ZNF813: variants seen among roughly 807,000 people sequenced by gnomAD.
ZNF813 encodes zinc finger protein 813.
ZNF813 carries 3 observed loss-of-function variants against 7.2 expected under a neutral mutation model. The ratio of observed to expected loss-of-function variants is 0.42; its 90% CI spans 0.19 to 1.08. The LOEUF (loss-of-function observed/expected upper bound fraction) is 1.08, where lower values mean the gene tolerates loss of function less well. ZNF813 is among the 50% of genes least tolerant of loss of function. ZNF813 has a pLI of 0.30. For missense variants in ZNF813, 714 were observed against 753.3 expected (o/e 0.95, Z 0.61); for synonymous variants, 227 against 256.3 (o/e 0.89, Z 1.09).
At chr19:53,473,864 TG>T (rs1450606808) in intron 1 of ZNF813, among the ~76,000 whole-genome samples, 9 of 152,256 alleles carry the variant, frequency 5.9e-5, no homozygotes, top group African/African-American at 2.2e-4. Flanking sequence ...GTTTATTTGG[TG>T]GGGGTGCACC....
At position 53,468,788 on chromosome 19, in the gene ZNF813, G is replaced by A. The variant is rs2086341252; in HGVS notation, c.-74+999G>A. ...TCTCAGAATAGAACGAATGGAAATG[G>A]TCAGCTTTACACCTAGACATTCCAT... On this transcript the variant is annotated intron_variant, in intron 1 of 3. Transcript: ENST00000396403. Among the ~76,000 whole-genome samples the A allele has an allele frequency of 3.3e-5, 5 of 151,368 alleles. No individual in the cohort carries two copies. In the South Asian group the frequency reaches 1.1e-3, roughly 32 times the overall value.
intron 1 of ZNF813, 115 bp from the exon 2 acceptor site, chr19:53,483,635 G>A (rs71363345): frequency 0.037 from 38,968 of 1,046,056 alleles, 920 homozygotes; most frequent in African/African-American, 0.081. Context: ...TGGTGTGGTC[G>A]GCAGCATAGG....
chr19:53,494,012 A>G lies in ZNF813; in HGVS notation c.*1926A>G, dbSNP rs4801985. 0.12 allele frequency: 17,722 copies of G among 152,152 alleles called. 1,183 individuals are homozygous for G. Among genetic ancestry groups the G allele is most frequent in the African/African-American group, 0.17 (7,232 of 41,474 alleles). 9.4% of individuals were successfully genotyped at this position (152,152 alleles called of 1,614,324 possible). A position where few individuals can be genotyped will look rare whatever the true frequency, so the allele number is the denominator to read the frequency against. On this transcript the variant is annotated 3_prime_UTR_variant, in exon 4 of 4. Transcript: ENST00000396403. ...TGATGAGTGGATTTTGAATTTTGTG[A>G]AATACTTTTTCTCCATCTATTGAGA...
intron 1 of ZNF813, among the ~76,000 whole-genome samples, chr19:53,478,003 C>T (rs1412040000): frequency 6.6e-6 from 1 of 152,098 alleles, no homozygotes; most frequent in Non-Finnish European, 1.5e-5. Context: ...TTGTATAAAT[C>T]TTGGCATAGA....
In ZNF813 at chr19:53,494,708, T is replaced by G; in HGVS notation, c.*2622T>G. 6.6e-6 allele frequency: 1 copy of G among 150,394 alleles called. No homozygotes were observed. The highest frequency in any genetic ancestry group is 1.5e-5 in the Non-Finnish European group (1 of 67,598). 9.3% of individuals were successfully genotyped at this position (150,394 alleles called of 1,614,324 possible). The stretch of plus-strand genomic sequence containing the variant: ...CAAAGCAATATAAATCCTGCTAAAA[T>G]TGAAACAAAAAGGAGCATCAAATTT... On this transcript the variant is annotated 3_prime_UTR_variant, in exon 4 of 4. Coordinates refer to ENST00000396403, the MANE Select transcript of ZNF813 (RefSeq NM_001004301.4).
chr19:53,493,532 A>C lies in ZNF813; in HGVS notation c.*1446A>C, dbSNP rs2086473609. On this transcript the variant is annotated 3_prime_UTR_variant, in exon 4 of 4. Coordinates refer to ENST00000396403, the MANE Select transcript of ZNF813 (RefSeq NM_001004301.4). Reference sequence around the variant, plus strand: ...TTCTCATCTTTTTGCTTTTATTCCTAAGTATTTCTTACTTTAAGTTCTCTA... The same window carrying C: ...TTCTCATCTTTTTGCTTTTATTCCTCAGTATTTCTTACTTTAAGTTCTCTA... 6.6e-6 allele frequency: 1 copy of C among 150,652 alleles called. No individual in the cohort carries two copies. The highest frequency in any genetic ancestry group is 1.5e-5 in the Non-Finnish European group (1 of 67,642). 9.3% of individuals were successfully genotyped at this position (150,652 alleles called of 1,614,324 possible).
chr19:53,482,706 C>CTTTTTTTTTTTTTTTTTTTTTT (rs1568830690), intron 1 of ZNF813, among the ~76,000 whole-genome samples: 1 of 91,470 alleles, frequency 1.1e-5, no homozygotes, highest in African/African-American at 3.9e-5. Flanking sequence ...ATCAGGAATG[C>CTTTTTTTTTTTTTTTTTTTTTT]TTTTTGTTTT....
At position 53,491,399 on chromosome 19, in the gene ZNF813, C is replaced by G; in HGVS notation, c.1167C>G (p.Gly389=). 2 of 1,613,682 alleles carry G rather than the reference C, an allele frequency of 1.2e-6. No homozygotes were observed. The highest frequency in any genetic ancestry group is 1.7e-6 in the Non-Finnish European group (2 of 1,179,648). Residue 389 remains glycine, a synonymous_variant, in exon 4 of 4, where the codon GGC becomes GGG. Transcript: ENST00000396403. ...GEKPYKCNEC[G]KTFSQELTLK... The stretch of plus-strand genomic sequence containing the variant: ...AACCTTATAAGTGTAATGAATGTGG[C>G]AAGACCTTCAGTCAGGAGTTAACCC...
In ZNF813 at chr19:53,492,804, T is replaced by C. The variant is rs2086470146; in HGVS notation, c.*718T>C. On this transcript the variant is annotated 3_prime_UTR_variant, in exon 4 of 4. Coordinates refer to ENST00000396403, the MANE Select transcript of ZNF813 (RefSeq NM_001004301.4). Reference sequence around the variant, plus strand: ...GAGACAAACCTTATAAATGTCATGATTGAGGCAAGGTCTTCAGTCAAGCTT... The same window carrying C: ...GAGACAAACCTTATAAATGTCATGACTGAGGCAAGGTCTTCAGTCAAGCTT... The C allele has an allele frequency of 4.0e-6, 2 of 504,836 alleles. No homozygotes were observed. The highest frequency in any genetic ancestry group is 2.0e-5 in the African/African-American group (1 of 51,108). 31.3% of individuals were successfully genotyped at this position (504,836 alleles called of 1,614,324 possible).
intron 1 of ZNF813, among the ~76,000 whole-genome samples, chr19:53,478,832 A>C (rs2086393815): frequency 6.6e-6 from 1 of 152,000 alleles, no homozygotes; most frequent in Non-Finnish European, 1.5e-5. Flanking sequence ...GGACATCAAA[A>C]GTACATTTGT....
At chr19:53,476,643 AG>A (rs1274498236) in intron 1 of ZNF813, among the ~76,000 whole-genome samples, 1 of 146,144 alleles carries the variant, frequency 6.8e-6, no homozygotes, top group Admixed American at 6.9e-5. Flanking sequence ...AAAAAAAAAA[AG>A]ATTGTGGGAG....
At position 53,490,517 on chromosome 19, in the gene ZNF813, T is replaced by C; in HGVS notation, c.285T>C (p.His95=). 6 of 1,614,170 alleles carry C rather than the reference T, an allele frequency of 3.7e-6. No homozygotes were observed. Residue 95 remains histidine, a synonymous_variant, in exon 4 of 4, where the codon CAT becomes CAC. Coordinates refer to ENST00000396403, the MANE Select transcript of ZNF813 (RefSeq NM_001004301.4). ...TTCAGGAAATTGATAAAGATATTCA[T>C]AACTTAGAGTTTCAGTGGCAAGAAG... ...FRFQEIDKDI[H]NLEFQWQEDE... is the part of the protein sequence containing the mutation.
chr19:53,477,271 C>G (rs1374097345), intron 1 of ZNF813, among the ~76,000 whole-genome samples: 1 of 152,040 alleles, frequency 6.6e-6, no homozygotes, highest in Non-Finnish European at 1.5e-5. Flanking sequence ...TGTTCTAAGG[C>G]GACTAGCATT....
chr19:53,481,344 C>CTTT (rs66842546), intron 1 of ZNF813, among the ~76,000 whole-genome samples: 12 of 106,376 alleles, frequency 1.1e-4, no homozygotes, highest in East Asian at 2.6e-4. Context: ...CCCATGTATT[C>CTTT]TTTTTTTTTT....
At chr19:53,471,759 C>T (rs1349063712) in intron 1 of ZNF813, among the ~76,000 whole-genome samples, 1 of 142,288 alleles carries the variant, frequency 7.0e-6, no homozygotes, top group East Asian at 2.1e-4. Flanking sequence ...TTGCAGTGAG[C>T]CGAGATCACG....
At chr19:53,481,341 A>ATTTTTTTTTTTTT (rs1180229389) in intron 1 of ZNF813, among the ~76,000 whole-genome samples, 1 of 89,210 alleles carries the variant, frequency 1.1e-5, no homozygotes, top group African/African-American at 6.0e-5. Context: ...GCACCCATGT[A>ATTTTTTTTTTTTT]TTCTTTTTTT....
At chr19:53,468,918 G>A (rs1328011269) in intron 1 of ZNF813, among the ~76,000 whole-genome samples, 2 of 143,986 alleles carry the variant, frequency 1.4e-5, no homozygotes, top group Non-Finnish European at 3.1e-5. Flanking sequence ...CGGGTGTCCG[G>A]CTGGGGGATG....
At chr19:53,486,256 G>A (rs1440838420) in intron 2 of ZNF813, among the ~76,000 whole-genome samples, 3 of 152,100 alleles carry the variant, frequency 2.0e-5, no homozygotes, top group Non-Finnish European at 4.4e-5. Flanking sequence ...ACAAGTTTGA[G>A]GCCAATATTG....
chr19:53,478,212 A>G (rs1206109235), intron 1 of ZNF813, among the ~76,000 whole-genome samples: 1 of 152,084 alleles, frequency 6.6e-6, no homozygotes, highest in Admixed American at 6.6e-5. Flanking sequence ...TGGCTCTATC[A>G]CCCAGGATGG....
Sources: gnomAD v4.1 joint callset for allele counts (sites outside exome capture counted in the v4.1 genomes callset) on GRCh38, gnomAD v4.1.1 for gene constraint, MANE v1.5 for transcripts, NCBI Gene and HGNC (gene_info 2026-07-23, HGNC 2026-07-21) for gene names.